The following ARHGEF9 variants were observed in gnomAD, a reference collection of about 807,000 sequenced individuals.
ARHGEF9 encodes the protein rho guanine nucleotide exchange factor 9.
ARHGEF9 carries 2 observed loss-of-function variants against 41.3 expected under a neutral mutation model. The observed-to-expected ratio is 0.05, with a 90% confidence interval of 0.02 to 0.15. The LOEUF is 0.15. ARHGEF9 is among the 10% of genes least tolerant of loss of function. The probability of loss-of-function intolerance (pLI) is 1.00; values close to 1 mark genes in which losing one functional copy is unlikely to be tolerated. For missense variants in ARHGEF9, 225 were observed against 424.7 expected, an observed-to-expected ratio of 0.53 and a Z score of 4.13; for synonymous variants, 160 against 154.4, an observed-to-expected ratio of 1.04 and a Z score of -0.27.
chrX:63,726,191 T>C (rs191987795), intron 1 of ARHGEF9, among the ~76,000 whole-genome samples: 1 of 112,023 alleles, frequency 8.9e-6, no homozygotes, highest in Non-Finnish European at 1.9e-5. Context: ...TCAGGATAGA[T>C]AAAAAATAAA....
Position 63,635,224 on chromosome X carries a change from A to G in ARHGEF9, c.*2804T>C, listed in dbSNP as rs1251169740. 9.1e-5 allele frequency: 38 copies of G among 418,883 alleles called. No homozygotes were observed. The highest frequency in any genetic ancestry group is 8.7e-4 in the African/African-American group (33 of 38,078). The allele number at this position is 418,883 out of a possible 1,213,427, so 34.5% of individuals were successfully genotyped here. ...AGATCACTATTTGGCTTCACACTAG[A>G]ATTGTTAGAACTCTCTTGTTGCTGT... On this transcript the variant is annotated 3_prime_UTR_variant, in exon 10 of 10. Transcript: ENST00000671741.
chrX:63,782,234 T>C (rs2056393670), intron 1 of ARHGEF9, among the ~76,000 whole-genome samples: 1 of 111,485 alleles, frequency 9.0e-6, no homozygotes, highest in African/African-American at 3.3e-5. Context: ...TCCCCTACAT[T>C]TGTGTTGAAT....
At chrX:63,708,823 T>G (rs782140721) in intron 2 of ARHGEF9, among the ~76,000 whole-genome samples, 39 of 112,357 alleles carry the variant, frequency 3.5e-4, no homozygotes, top group Non-Finnish European at 3.4e-4. Context: ...CACTGCCCTT[T>G]ATAGAGCTGA....
intron 8 of ARHGEF9, among the ~76,000 whole-genome samples, chrX:63,651,492 T>C (rs2048537140): frequency 9.0e-6 from 1 of 111,547 alleles, no homozygotes; most frequent in Non-Finnish European, 1.9e-5. Flanking sequence ...ATTTATTTAA[T>C]AAATGATGCA....
At chrX:63,781,581 A>T (rs2056382230) in intron 1 of ARHGEF9, among the ~76,000 whole-genome samples, 1 of 111,966 alleles carries the variant, frequency 8.9e-6, no homozygotes, top group African/African-American at 3.2e-5. Flanking sequence ...TCTATAAACA[A>T]TGATGTCAGT....
At chrX:63,782,836 G>A (rs1425948063) in intron 1 of ARHGEF9, among the ~76,000 whole-genome samples, 1 of 112,407 alleles carries the variant, frequency 8.9e-6, no homozygotes, top group Non-Finnish European at 1.9e-5. Context: ...GAATTTTGGT[G>A]CTTATTAACA....
At chrX:63,710,314 A>C (rs1465877095) in intron 2 of ARHGEF9, among the ~76,000 whole-genome samples, 2 of 107,429 alleles carry the variant, frequency 1.9e-5, no homozygotes, top group East Asian at 2.8e-4. Flanking sequence ...AAAAAAAAAA[A>C]AAAAAACCTC....
chrX:63,644,135 A>T, intron 8 of ARHGEF9, 87 bp from the exon 9 acceptor site: 1 of 624,598 alleles, frequency 1.6e-6, no homozygotes, highest in South Asian at 3.8e-5. Flanking sequence ...TGTAAGAAAG[A>T]TTTGCTAAGA....
Position 63,683,965 on chromosome X carries a change from G to A in ARHGEF9, c.583-5393C>T, listed in dbSNP as rs181050830. 7.3e-4 allele frequency among the ~76,000 whole-genome samples: 81 copies of A among 110,274 alleles called. 1 individual carries two copies. The highest frequency in any genetic ancestry group is 1.0e-3 in the Non-Finnish European group (55 of 52,620). ...GCAACAAAAGCAAAAAGAAACAAGT[G>A]GGACTGCATCAAATTAAAAAGCTGC... is the stretch of plus-strand genomic sequence containing the variant. On this transcript the variant is annotated intron_variant, in intron 4 of 9. Transcript: ENST00000671741.
At chrX:63,647,070 A>G (rs1556316404) in intron 8 of ARHGEF9, among the ~76,000 whole-genome samples, 2 of 111,793 alleles carry the variant, frequency 1.8e-5, no homozygotes, top group African/African-American at 3.3e-5. Context: ...TGATTTTTGC[A>G]CATTGATTTT....
intron 4 of ARHGEF9, among the ~76,000 whole-genome samples, chrX:63,690,770 A>G (rs1265021475): frequency 8.9e-6 from 1 of 111,977 alleles, no homozygotes; most frequent in Non-Finnish European, 1.9e-5. Context: ...ACAACACATT[A>G]AAAAGATCAC....
At chrX:63,694,007 A>G (rs192716286) in intron 4 of ARHGEF9, among the ~76,000 whole-genome samples, 1 of 110,596 alleles carries the variant, frequency 9.0e-6, no homozygotes, top group Admixed American at 9.6e-5. Flanking sequence ...ACATGGTGAA[A>G]CCCCATCTCT....
chrX:63,702,501 A>C (rs1170091375), intron 3 of ARHGEF9, among the ~76,000 whole-genome samples: 1 of 112,128 alleles, frequency 8.9e-6, no homozygotes, highest in African/African-American at 3.2e-5. Flanking sequence ...TTTATTTCCT[A>C]CTTCTTCATT....
intron 1 of ARHGEF9, among the ~76,000 whole-genome samples, chrX:63,744,301 C>T (rs1216111680): frequency 1.8e-5 from 2 of 112,354 alleles, no homozygotes; most frequent in East Asian, 5.6e-4. Flanking sequence ...ACCACAGTGG[C>T]TTGCACATCT....
intron 1 of ARHGEF9, among the ~76,000 whole-genome samples, chrX:63,783,417 C>T (rs2056413517): frequency 9.0e-6 from 1 of 110,605 alleles, no homozygotes; most frequent in African/African-American, 3.3e-5. Context: ...CCACTACGTC[C>T]AGCTAATTTT....
rs1485338119 is a variant in ARHGEF9, at chrX:63,635,915, C to T, written c.*2113G>A. ...AGGATATTTTAGCCTGGGTGCTGGG[C>T]ACCAGGACCCTTGCCAAAGAGGCTT... On this transcript the variant is annotated 3_prime_UTR_variant, in exon 10 of 10. Coordinates refer to ENST00000671741, the MANE Select transcript of ARHGEF9 (RefSeq NM_001353921.2). 7.7e-6 allele frequency: 1 copy of T among 129,464 alleles called. No individual in the cohort carries two copies. Among genetic ancestry groups the T allele is most frequent in the East Asian group, 2.8e-4 (1 of 3,612 alleles). The allele number at this position is 129,464 out of a possible 1,213,427, so 10.7% of individuals were successfully genotyped here.
chrX:63,662,903 G>A (rs1355789220), intron 7 of ARHGEF9, among the ~76,000 whole-genome samples: 6 of 111,699 alleles, frequency 5.4e-5, no homozygotes, highest in African/African-American at 2.0e-4. Context: ...CAGATCTCCT[G>A]GAACCCATAA....
chrX:63,754,179 A>T lies in ARHGEF9; in HGVS notation c.31-29468T>A, dbSNP rs183648923. 1.7e-5 allele frequency: 13 copies of T among 775,648 alleles called. No homozygotes were observed. In the East Asian group the frequency reaches 2.9e-4, roughly 18 times the overall value. 63.9% of individuals were successfully genotyped at this position (775,648 alleles called of 1,213,427 possible). A position where few individuals can be genotyped will look rare whatever the true frequency, so the allele number is the denominator to read the frequency against. Reference sequence around the variant, plus strand: ...CGCCACATAGATTAAAAATGCACACACGCATGCACACTTAAATAGAAAGCA... The same window carrying T: ...CGCCACATAGATTAAAAATGCACACTCGCATGCACACTTAAATAGAAAGCA... On this transcript the variant is annotated intron_variant, in intron 1 of 9. Transcript: ENST00000671741.
intron 1 of ARHGEF9, among the ~76,000 whole-genome samples, chrX:63,765,953 T>A (rs1556451676): frequency 2.7e-5 from 3 of 111,954 alleles, no homozygotes; most frequent in African/African-American, 9.7e-5. Context: ...CATATCAACC[T>A]CATGACAACC....
Sources: gnomAD v4.1 joint callset for allele counts (sites outside exome capture counted in the v4.1 genomes callset) on GRCh38, gnomAD v4.1.1 for gene constraint, MANE v1.5 for transcripts, NCBI Gene and HGNC (gene_info 2026-07-23, HGNC 2026-07-21) for gene names.